Variants in TM9SF3 observed in about 807,000 individuals in gnomAD.
The protein encoded by TM9SF3 is SM-11044-binding protein.
TM9SF3 carries 14 observed loss-of-function variants against 78.6 expected under a neutral mutation model. That is an observed-to-expected ratio of 0.18 (90% CI 0.12 to 0.28). The LOEUF (loss-of-function observed/expected upper bound fraction) is 0.28, where lower values mean the gene tolerates loss of function less well. Among genes scored for constraint, TM9SF3 ranks in the 10% least tolerant of loss-of-function variants. The probability of loss-of-function intolerance (pLI) is 1.00; values close to 1 mark genes in which losing one functional copy is unlikely to be tolerated. For synonymous variants in TM9SF3, 231 were observed against 241.7 expected (o/e 0.96, Z 0.41); for missense variants, 496 against 721.9 (o/e 0.69, Z 3.59).
intron 9 of TM9SF3, among the ~76,000 whole-genome samples, chr10:96,543,261 G>C (rs768396476): frequency 6.6e-6 from 1 of 151,850 alleles, no homozygotes; most frequent in Non-Finnish European, 1.5e-5. Flanking sequence ...GCATTTCCAA[G>C]ACTGTGATTA....
chr10:96,527,310 T>A, intron 13 of TM9SF3, 21 bp from the exon 14 acceptor site: 1 of 1,602,018 alleles, frequency 6.2e-7, no homozygotes. Flanking sequence ...ACAAAATATA[T>A]ATAGGATATC....
At chr10:96,551,133 G>A (rs1470675157) in intron 7 of TM9SF3, 112 bp downstream of exon 7, 6 of 896,566 alleles carry the variant, frequency 6.7e-6, no homozygotes, top group South Asian at 1.9e-5. Flanking sequence ...ATCATAAACT[G>A]TAAGATAAAG....
At chr10:96,581,008 T>C (rs1382924771) in intron 1 of TM9SF3, among the ~76,000 whole-genome samples, 2 of 152,180 alleles carry the variant, frequency 1.3e-5, no homozygotes, top group East Asian at 3.8e-4. Flanking sequence ...CAAGGAAATA[T>C]GAAAACAGTG....
intron 3 of TM9SF3, among the ~76,000 whole-genome samples, chr10:96,563,690 C>A (rs965315324): frequency 1.3e-5 from 2 of 152,150 alleles, no homozygotes; most frequent in African/African-American, 4.8e-5. Flanking sequence ...TAATTAATTT[C>A]ATTAAGGTTT....
chr10:96,527,945 C>G, intron 12 of TM9SF3, 86 bp downstream of exon 12: 5 of 1,370,526 alleles, frequency 3.6e-6, no homozygotes, highest in Non-Finnish European at 5.0e-6. Flanking sequence ...CTATACAGCT[C>G]TTTACTCCAC....
At chr10:96,586,474 C>T (rs1848631177) in intron 1 of TM9SF3, among the ~76,000 whole-genome samples, 1 of 152,114 alleles carries the variant, frequency 6.6e-6, no homozygotes, top group African/African-American at 2.4e-5. Context: ...AACCCCGAGA[C>T]CCTGGGGTGC....
At chr10:96,532,188 CCA>C (rs1334805151) in intron 10 of TM9SF3, among the ~76,000 whole-genome samples, 1 of 151,692 alleles carries the variant, frequency 6.6e-6, no homozygotes, top group Non-Finnish European at 1.5e-5. Context: ...CCAGCCTGGG[CCA>C]CAGAGTGAGA....
chr10:96,532,844 G>A (rs11188817), intron 10 of TM9SF3, among the ~76,000 whole-genome samples: 31,130 of 152,056 alleles, frequency 0.2, 3,542 homozygotes, highest in Admixed American at 0.3. Context: ...TAAATGGCAC[G>A]ATATTCAGAA....
At position 96,544,073 on chromosome 10, in the gene TM9SF3, C is replaced by T; in HGVS notation, c.1185+3G>A. On this transcript the variant is annotated splice_donor_region_variant and intron_variant, in intron 9 of 14. Coordinates refer to ENST00000371142, the MANE Select transcript of TM9SF3 (RefSeq NM_020123.4). ...GTTTAAAAGTAAGATTCAAGCAACT[C>T]ACCATTGTTCCAAAAGGAATGGCTC... The T allele has an allele frequency of 5.0e-6, 8 of 1,603,136 alleles. No individual in the cohort carries two copies. Among genetic ancestry groups the T allele is most frequent in the Non-Finnish European group, 6.8e-6 (8 of 1,176,736 alleles).
chr10:96,529,247 G>A (rs1007836392), intron 11 of TM9SF3, among the ~76,000 whole-genome samples: 1 of 152,132 alleles, frequency 6.6e-6, no homozygotes, highest in Non-Finnish European at 1.5e-5. Flanking sequence ...CATATGCAGA[G>A]CTGGTAAGTG....
intron 6 of TM9SF3, among the ~76,000 whole-genome samples, chr10:96,552,058 G>A (rs977426804): frequency 2.0e-5 from 3 of 152,100 alleles, no homozygotes; most frequent in Non-Finnish European, 4.4e-5. Flanking sequence ...CTGTTTTGGT[G>A]GGGAGAATCC....
At chr10:96,581,955 T>C (rs1483104347) in intron 1 of TM9SF3, among the ~76,000 whole-genome samples, 1 of 152,176 alleles carries the variant, frequency 6.6e-6, no homozygotes, top group Non-Finnish European at 1.5e-5. Flanking sequence ...CAGAAGACTA[T>C]GCATCTTAAA....
chr10:96,585,433 T>TA (rs1848618160), intron 1 of TM9SF3, among the ~76,000 whole-genome samples: 1 of 152,198 alleles, frequency 6.6e-6, no homozygotes, highest in Admixed American at 6.5e-5. Flanking sequence ...TTAAGCTGTT[T>TA]AACCTCCCAA....
intron 2 of TM9SF3, among the ~76,000 whole-genome samples, chr10:96,567,596 AC>A (rs1394909685): frequency 1.3e-5 from 2 of 151,956 alleles, no homozygotes; most frequent in Non-Finnish European, 2.9e-5. Flanking sequence ...CCTTTCCTCC[AC>A]AAAGGAATCC....
intron 7 of TM9SF3, among the ~76,000 whole-genome samples, chr10:96,549,642 A>T (rs1391590372): frequency 6.6e-6 from 1 of 152,180 alleles, no homozygotes; most frequent in African/African-American, 2.4e-5. Context: ...ATGCTTTAGT[A>T]CTTACATAAG....
At chr10:96,539,606 G>A (rs1564930485) in intron 9 of TM9SF3, among the ~76,000 whole-genome samples, 3 of 152,104 alleles carry the variant, frequency 2.0e-5, no homozygotes, top group African/African-American at 2.4e-5. Flanking sequence ...TATCTTGAAT[G>A]CGGTAATGGT....
Position 96,547,940 on chromosome 10 carries a change from G to C in TM9SF3, c.1009C>G (p.Pro337Ala). The change falls in exon 8 of 15, where the codon CCA (proline) becomes GCA (alanine). Residue 337 changes from proline (P) to alanine (A), a missense_variant. Transcript: ENST00000371142. The part of the protein sequence containing the change: ...TAIFVYAATS[P>A]VNGYFGGSLY... ...CTTCCTCCAAAATAACCATTCACTGGAGACGTAGCAGCATAGACAAATATG... is the reference window on the plus strand; with the variant it reads ...CTTCCTCCAAAATAACCATTCACTGCAGACGTAGCAGCATAGACAAATATG... 1.2e-6 allele frequency: 2 copies of C among 1,613,602 alleles called. No individual in the cohort carries two copies. Among genetic ancestry groups the C allele is most frequent in the Non-Finnish European group, 1.7e-6 (2 of 1,179,836 alleles).
chr10:96,553,503 T>A (rs1036760103), intron 5 of TM9SF3, among the ~76,000 whole-genome samples: 1 of 152,170 alleles, frequency 6.6e-6, no homozygotes, highest in Non-Finnish European at 1.5e-5. Flanking sequence ...ATATATAAAG[T>A]ATGGCACCTT....
Position 96,522,318 on chromosome 10 carries a change from T to A in TM9SF3, c.1715A>T (p.Tyr572Phe). ...ALGIMCGAIGYMGTSAFVRKI... is the reference protein window; with the variant it reads ...ALGIMCGAIGFMGTSAFVRKI... ...TCGGACAAAGGCACTTGTTCCCATG[T>A]AACCAATCGCTCCTGCAAAGATAAA... The change falls in exon 15 of 15, where the codon TAC becomes TTC. Residue 572 changes from tyrosine to phenylalanine, a missense_variant. Tyr to Phe is a conservative substitution (Grantham distance 22). Around this residue, in one of 4 missense-constraint regions of TM9SF3, gnomAD observed 280 missense variants for 422.6 expected, o/e 0.66. Transcript: ENST00000371142. 1 of 1,582,240 alleles carries A rather than the reference T, an allele frequency of 6.3e-7. No individual in the cohort carries two copies. Among genetic ancestry groups the A allele is most frequent in the Non-Finnish European group, 8.6e-7 (1 of 1,169,228 alleles).
Sources: gnomAD v4.1 joint callset for allele counts (sites outside exome capture counted in the v4.1 genomes callset) on GRCh38, gnomAD v4.1.1 for gene constraint, gnomAD v4.1.1 regional missense constraint, MANE v1.5 for transcripts, NCBI Gene and HGNC (gene_info 2026-07-23, HGNC 2026-07-21) for gene names.